Variants in ARSB observed in about 807,000 individuals in gnomAD.
ARSB encodes N-acetylgalactosamine-4-sulfatase.
In ARSB, 41 loss-of-function variants were observed where a neutral mutation model predicts 50.9. That is an observed-to-expected ratio of 0.81 (90% CI 0.63 to 1.04). The LOEUF is 1.04. ARSB is among the 50% of genes least tolerant of loss of function. The pLI is 0.00. For synonymous variants in ARSB, 269 were observed against 284.8 expected (o/e 0.94, Z 0.56); for missense variants, 672 against 693.3 (o/e 0.97, Z 0.35).
chr5:78,843,611 G>A (rs1276379453), intron 5 of ARSB, among the ~76,000 whole-genome samples: 1 of 152,036 alleles, frequency 6.6e-6, no homozygotes, highest in East Asian at 1.9e-4. Context: ...AAATGTTTTT[G>A]GTATATTCAC....
At chr5:78,945,220 G>A (rs183389966) in intron 4 of ARSB, among the ~76,000 whole-genome samples, 79 of 152,298 alleles carry the variant, frequency 5.2e-4, no homozygotes, top group African/African-American at 1.6e-3. Flanking sequence ...GACCCCTTGC[G>A]CTTCCCGGGT....
intron 6 of ARSB, among the ~76,000 whole-genome samples, chr5:78,790,560 A>G (rs1221665801): frequency 6.6e-6 from 1 of 152,238 alleles, no homozygotes; most frequent in Admixed American, 6.5e-5. Context: ...ACAATTGCCA[A>G]CATTAAAGAT....
intron 6 of ARSB, among the ~76,000 whole-genome samples, chr5:78,818,753 G>C (rs1332223630): frequency 2.0e-5 from 3 of 151,948 alleles, no homozygotes; most frequent in Non-Finnish European, 4.4e-5. Flanking sequence ...GAGTAGCTGG[G>C]ACTTCAGGCG....
intron 5 of ARSB, among the ~76,000 whole-genome samples, chr5:78,858,367 G>A (rs1366144540): frequency 6.6e-6 from 1 of 152,092 alleles, no homozygotes; most frequent in African/African-American, 2.4e-5. Flanking sequence ...ATTTGCTAGA[G>A]TATTTTTATT....
At chr5:78,985,832 C>G (rs1352514136), upstream of ARSB, 1 of 152,238 alleles carries the variant, frequency 6.6e-6, no homozygotes, top group Non-Finnish European at 1.5e-5. Flanking sequence ...CTTTCACATT[C>G]ATTTATGCGT....
chr5:78,910,360 T>C (rs963425357), intron 4 of ARSB, among the ~76,000 whole-genome samples: 1 of 152,220 alleles, frequency 6.6e-6, no homozygotes, highest in African/African-American at 2.4e-5. Flanking sequence ...GCTGGCCCCC[T>C]TCATAAAGTA....
intron 4 of ARSB, among the ~76,000 whole-genome samples, chr5:78,939,353 CATGTGCCAT>C (rs1750786526): frequency 2.0e-5 from 3 of 151,488 alleles, no homozygotes; most frequent in Non-Finnish European, 4.4e-5. Flanking sequence ...CATATGTATA[CATGTGCCAT>C]GTTGGTGTGC....
At position 78,964,810 on chromosome 5, in the gene ARSB, T is replaced by G. The variant is rs368284455; in HGVS notation, c.500-204A>C. Among the ~76,000 whole-genome samples the G allele has an allele frequency of 7.9e-5, 12 of 152,182 alleles. No homozygotes were observed. The South Asian group carries it at 2.5e-3, about 32-fold the overall frequency. On this transcript the variant is annotated intron_variant, in intron 2 of 7. Transcript: ENST00000264914. ...TTACTGCATAAAAACTCAAATCTAT[T>G]CCTCATTCGCCTTTAGAATATAGGC...
At chr5:78,872,815 T>TA (rs1561474961) in intron 5 of ARSB, among the ~76,000 whole-genome samples, 1,229 of 77,084 alleles carry the variant, frequency 0.016, 12 homozygotes, top group African/African-American at 0.071. Flanking sequence ...TAAAGTATAA[T>TA]TAAAAAAAAA....
chr5:78,938,869 A>C (rs556438227), intron 4 of ARSB, among the ~76,000 whole-genome samples: 3 of 152,374 alleles, frequency 2.0e-5, no homozygotes, highest in African/African-American at 4.8e-5. Context: ...TTGTCTAAGT[A>C]GAAATGTGTT....
chr5:78,936,070 T>C (rs1340142282), intron 4 of ARSB, among the ~76,000 whole-genome samples: 4 of 71,864 alleles, frequency 5.6e-5, no homozygotes, highest in Admixed American at 2.0e-4. Flanking sequence ...CCTCCCTCCC[T>C]CTCTTTCCCT....
intron 5 of ARSB, among the ~76,000 whole-genome samples, chr5:78,871,019 C>T (rs374286499): frequency 0.11 from 16,946 of 147,826 alleles, 1,119 homozygotes; most frequent in Middle Eastern, 0.2. Flanking sequence ...TATACACCAA[C>T]AACAGACAAA....
At chr5:78,806,825 C>G (rs7713155) in intron 6 of ARSB, among the ~76,000 whole-genome samples, 49,173 of 151,866 alleles carry the variant, frequency 0.32, 9,661 homozygotes, top group African/African-American at 0.56. Flanking sequence ...CCGGAATGTG[C>G]CATGTGGACA....
intron 6 of ARSB, among the ~76,000 whole-genome samples, chr5:78,823,280 A>C (rs1305972007): frequency 6.6e-6 from 1 of 152,186 alleles, no homozygotes; most frequent in Non-Finnish European, 1.5e-5. Flanking sequence ...ACAGTAACTG[A>C]CCAATGGGTG....
intron 6 of ARSB, among the ~76,000 whole-genome samples, chr5:78,800,751 A>G (rs1743359151): frequency 2.0e-5 from 3 of 152,232 alleles, no homozygotes; most frequent in Admixed American, 2.0e-4. Context: ...GAGTGGTAAG[A>G]CACAAGTTAA....
chr5:78,837,090 T>C (rs1744989317), intron 6 of ARSB, among the ~76,000 whole-genome samples: 1 of 152,172 alleles, frequency 6.6e-6, no homozygotes, highest in Admixed American at 6.5e-5. Context: ...ACATGACACT[T>C]GGGTGGGACA....
chr5:78,819,098 T>C (rs1744114632), intron 6 of ARSB, among the ~76,000 whole-genome samples: 3 of 152,152 alleles, frequency 2.0e-5, no homozygotes, highest in African/African-American at 7.2e-5. Context: ...GGTAGGTGCT[T>C]AAGATCCCTT....
intron 5 of ARSB, among the ~76,000 whole-genome samples, chr5:78,864,290 A>C (rs1746597765): frequency 6.6e-6 from 1 of 152,198 alleles, no homozygotes; most frequent in African/African-American, 2.4e-5. Flanking sequence ...GCGAAGCCTC[A>C]CAATCATGGT....
chr5:78,817,284 C>G (rs1296535142), intron 6 of ARSB, among the ~76,000 whole-genome samples: 1 of 152,232 alleles, frequency 6.6e-6, no homozygotes, highest in Admixed American at 6.5e-5. Context: ...TTCACAGCTT[C>G]CTCTCTGTTC....
Sources: allele counts gnomAD v4.1 joint callset (sites outside exome capture counted in the v4.1 genomes callset), GRCh38; gene constraint gnomAD v4.1.1; transcripts MANE v1.5; gene names NCBI Gene and HGNC (gene_info 2026-07-23, HGNC 2026-07-21).